The following CCNDBP1 variants were observed in gnomAD, a reference collection of about 807,000 sequenced individuals.
CCNDBP1 encodes the protein cyclin D1 binding protein 1, also known as cyclin-D1-binding protein 1.
A neutral mutation model predicts 46.2 loss-of-function variants in CCNDBP1; 45 were observed. The observed-to-expected ratio is 0.97, with a 90% CI of 0.77 to 1.25. The LOEUF (loss-of-function observed/expected upper bound fraction) is 1.25, where lower values mean the gene tolerates loss of function less well. CCNDBP1 is among the 50% of genes most tolerant of loss of function. The pLI is 0.00. For missense variants in CCNDBP1, 436 were observed against 442.1 expected, an observed-to-expected ratio of 0.99 and a Z score of 0.12; for synonymous variants, 154 against 163.6, an observed-to-expected ratio of 0.94 and a Z score of 0.45.
rs780496757 is a variant in CCNDBP1, at chr15:43,189,194, C to A, written c.250-5C>A. 15 of 1,570,510 alleles carry A rather than the reference C, an allele frequency of 9.6e-6. No individual in the cohort carries two copies. The Admixed American group carries it at 2.4e-4, about 25-fold the overall frequency. On this transcript the variant is annotated splice_region_variant and splice_polypyrimidine_tract_variant and intron_variant, in intron 3 of 10. Transcript: ENST00000300213. ...CTTTGATCTAATCTGTTTCCTTTTT[C>A]ATAGGAAACCCAGAAGTTCTGTGAA...
At position 43,194,801 on chromosome 15, in the gene CCNDBP1, A is replaced by G. The variant is rs1044049921; in HGVS notation, c.1043A>G (p.Asn348Ser). 1.2e-6 allele frequency: 2 copies of G among 1,613,682 alleles called. No homozygotes were observed. The highest frequency in any genetic ancestry group is 2.7e-5 in the African/African-American group (2 of 74,918). ...LLINAIDHCMNRIKELTQSEL... is the reference protein window; with the variant it reads ...LLINAIDHCMSRIKELTQSEL... ...ATTAATGCCATTGATCATTGCATGA[A>G]TAGAATCAAGGAGCTCACTCAGAGT... Residue 348 changes from asparagine (N) to serine (S), a missense_variant, in exon 11 of 11, where the codon AAT becomes AGT. Asn to Ser is a conservative substitution (Grantham distance 46, BLOSUM62 1). Transcript: ENST00000300213.
At chr15:43,188,117 T>C (rs1245477725) in intron 3 of CCNDBP1, among the ~76,000 whole-genome samples, 1 of 152,186 alleles carries the variant, frequency 6.6e-6, no homozygotes, top group African/African-American at 2.4e-5. Context: ...ACACTCTCAG[T>C]CACTGCTTAT....
rs181428518 is a variant in CCNDBP1 at position 43,194,554 on chromosome 15, G to A, written c.968+93G>A. ...CTCCCTAGCTCCCATTTCAAGGAGT[G>A]GGAAAGGGTGGGTGTGGGATTTTCT... On this transcript the variant is annotated intron_variant, in intron 10 of 10. Coordinates refer to ENST00000300213, the MANE Select transcript of CCNDBP1 (RefSeq NM_012142.5). 1.2e-5 allele frequency: 13 copies of A among 1,078,580 alleles called. No homozygotes were observed. The Admixed American group carries it at 2.9e-4, about 24-fold the overall frequency. The allele number at this position is 1,078,580 out of a possible 1,614,324, so 66.8% of individuals were successfully genotyped here. A position where few individuals can be genotyped will look rare whatever the true frequency, so the allele number is the denominator to read the frequency against.
At position 43,195,856 on chromosome 15, in the gene CCNDBP1, G is replaced by A. The variant is rs2042031970; in HGVS notation, c.*1015G>A. ...ATCAGCAACAGCAGTCATTCTTTGA[G>A]TGACTAATGTATACTTGGGGTTGGG... On this transcript the variant is annotated 3_prime_UTR_variant, in exon 11 of 11. Coordinates refer to ENST00000300213, the MANE Select transcript of CCNDBP1 (RefSeq NM_012142.5). 6.6e-6 allele frequency: 1 copy of A among 152,174 alleles called. No individual in the cohort carries two copies. The highest frequency in any genetic ancestry group is 2.4e-5 in the African/African-American group (1 of 41,440). The allele number at this position is 152,174 out of a possible 1,614,324, so 9.4% of individuals were successfully genotyped here.
intron 5 of CCNDBP1, 35 bp from the exon 6 acceptor site, chr15:43,190,290 G>A (rs545337462): frequency 1.2e-6 from 2 of 1,608,402 alleles, no homozygotes; most frequent in East Asian, 2.2e-5. Flanking sequence ...AGGAACCTAG[G>A]TTATTAATAT....
At chr15:43,186,102 T>G in intron 2 of CCNDBP1, 52 bp from the exon 3 acceptor site, 1 of 1,519,144 alleles carries the variant, frequency 6.6e-7, no homozygotes, top group Non-Finnish European at 9.1e-7. Context: ...GTCTTCCAAG[T>G]CCGTGCAGCA....
intron 1 of CCNDBP1, 93 bp downstream of exon 1, chr15:43,185,700 G>C (rs2041805969): frequency 7.2e-7 from 1 of 1,394,498 alleles, no homozygotes; most frequent in Non-Finnish European, 9.6e-7. Flanking sequence ...CGGGCTCGGG[G>C]TCGCGGAGAG....
chr15:43,192,890 A>G (rs1211846768), intron 9 of CCNDBP1, 87 bp downstream of exon 9: 11 of 1,192,124 alleles, frequency 9.2e-6, no homozygotes, highest in Non-Finnish European at 1.4e-5. Context: ...TATAGGGTAC[A>G]TATTTATTAG....
intron 3 of CCNDBP1, among the ~76,000 whole-genome samples, chr15:43,187,016 C>A (rs2041861105): frequency 6.6e-6 from 1 of 152,144 alleles, no homozygotes; most frequent in Non-Finnish European, 1.5e-5. Context: ...TTAAATATTC[C>A]TTTATTATAA....
In CCNDBP1 at chr15:43,194,481, A is replaced by G; in HGVS notation, c.968+20A>G. ...TACAAAGTAAGTATGAAGACTTCTCAGATAGCTTTTTGTGAGTAAAACGGA... is the reference window on the plus strand; with the variant it reads ...TACAAAGTAAGTATGAAGACTTCTCGGATAGCTTTTTGTGAGTAAAACGGA... On this transcript the variant is annotated intron_variant, in intron 10 of 10. Coordinates refer to ENST00000300213, the MANE Select transcript of CCNDBP1 (RefSeq NM_012142.5). The G allele has an allele frequency of 6.3e-7, 1 of 1,592,786 alleles. No individual in the cohort carries two copies. Among genetic ancestry groups the G allele is most frequent in the Non-Finnish European group, 8.6e-7 (1 of 1,169,462 alleles).
At chr15:43,190,898 C>G (rs1425011054) in intron 6 of CCNDBP1, 68 bp from the exon 7 acceptor site, 1 of 1,246,818 alleles carries the variant, frequency 8.0e-7, no homozygotes, top group Non-Finnish European at 1.2e-6. Context: ...TGTGATTGTT[C>G]CTTGCAGTCA....
chr15:43,188,190 G>C (rs1221373702), intron 3 of CCNDBP1, among the ~76,000 whole-genome samples: 1 of 152,134 alleles, frequency 6.6e-6, no homozygotes, highest in East Asian at 1.9e-4. Flanking sequence ...CATTTGTATA[G>C]TATTGACTTA....
At chr15:43,194,373 T>C in intron 9 of CCNDBP1, 42 bp from the exon 10 acceptor site, 1 of 1,511,144 alleles carries the variant, frequency 6.6e-7, no homozygotes, top group African/African-American at 1.4e-5. Context: ...CACCTTTTTA[T>C]GGTAGGGCTC....
At chr15:43,191,924 T>C (rs1334344908) in intron 8 of CCNDBP1, among the ~76,000 whole-genome samples, 1 of 152,202 alleles carries the variant, frequency 6.6e-6, no homozygotes, top group East Asian at 1.9e-4. Flanking sequence ...GTTTTGAGAG[T>C]AAATTGCAGA....
chr15:43,186,181 A>G lies in CCNDBP1; in HGVS notation c.197A>G (p.Glu66Gly). The G allele has an allele frequency of 6.2e-7, 1 of 1,614,094 alleles. No homozygotes were observed. The highest frequency in any genetic ancestry group is 1.6e-4 in the Middle Eastern group (1 of 6,062). Reference protein sequence around the residue: ...LNEAAVTVSREATTLTIVFSQ... With the variant: ...LNEAAVTVSRGATTLTIVFSQ... ...GAGGCAGCTGTGACTGTGTCAAGGG[A>G]AGCCACGACTCTGACCATAGTCTTC... The change falls in exon 3 of 11, where the codon GAA becomes GGA. Residue 66 changes from glutamate (E) to glycine (G), a missense_variant. By Grantham distance (98) the Glu-to-Gly change is moderately conservative (BLOSUM62 -2). Transcript: ENST00000300213.
At chr15:43,192,686 T>G in intron 8 of CCNDBP1, 57 bp from the exon 9 acceptor site, 4 of 1,521,312 alleles carry the variant, frequency 2.6e-6, no homozygotes, top group Non-Finnish European at 2.7e-6. Context: ...AGTTGTGTAC[T>G]AGAAACAACC....
rs186588191 is a variant in CCNDBP1 at position 43,189,979 on chromosome 15, A to G, written c.332-76A>G. 6.0e-4 allele frequency: 753 copies of G among 1,252,238 alleles called. 5 individuals are homozygous for G. Among genetic ancestry groups the G allele is most frequent in the Non-Finnish European group, 5.0e-5 (43 of 860,164 alleles). The allele number at this position is 1,252,238 out of a possible 1,614,324, so 77.6% of individuals were successfully genotyped here. On this transcript the variant is annotated intron_variant, in intron 4 of 10. Coordinates refer to ENST00000300213, the MANE Select transcript of CCNDBP1 (RefSeq NM_012142.5). Reference sequence around the variant, plus strand: ...GGTGTACATTACCTTATAGTTCTGTAATGCTTAGACTCAGGAAAGCAGATG... The same window carrying G: ...GGTGTACATTACCTTATAGTTCTGTGATGCTTAGACTCAGGAAAGCAGATG...
At chr15:43,186,412 G>A (rs987487091) in intron 3 of CCNDBP1, among the ~76,000 whole-genome samples, 179 bp downstream of exon 3, 6 of 152,302 alleles carry the variant, frequency 3.9e-5, no homozygotes, top group Middle Eastern at 3.4e-3. Flanking sequence ...GCAGTTCCTG[G>A]CGCGGAGTAG....
At chr15:43,193,944 A>G (rs769421444) in intron 9 of CCNDBP1, 3 of 257,418 alleles carry the variant, frequency 1.2e-5, no homozygotes, top group Non-Finnish European at 1.5e-5. Flanking sequence ...TGCTCTAGCA[A>G]TTTTAAAATG....
Sources: gnomAD v4.1 joint callset for allele counts (sites outside exome capture counted in the v4.1 genomes callset) on GRCh38, gnomAD v4.1.1 for gene constraint, MANE v1.5 for transcripts, NCBI Gene and HGNC (gene_info 2026-07-23, HGNC 2026-07-21) for gene names.